DNAH11: variants seen among roughly 807,000 people sequenced by gnomAD.
The protein encoded by DNAH11 is axonemal beta dynein heavy chain 11.
Under a neutral mutation model 526.0 loss-of-function variants are expected in DNAH11, and 442 were observed. The ratio of observed to expected loss-of-function variants is 0.84; its 90% CI spans 0.78 to 0.91. The LOEUF (loss-of-function observed/expected upper bound fraction) is 0.91, where lower values mean the gene tolerates loss of function less well. DNAH11 is among the 40% of genes least tolerant of loss of function. The pLI, the probability that DNAH11 is intolerant of heterozygous loss-of-function variation, is 0.00. For missense variants in DNAH11, 6,989 were observed against 5,448.7 expected (o/e 1.28, Z -8.90); for synonymous variants, 2,461 against 1,935.9 (o/e 1.27, Z -7.12).
intron 70 of DNAH11, among the ~76,000 whole-genome samples, chr7:21,865,337 A>G (rs1367089420): frequency 6.6e-6 from 1 of 152,196 alleles, no homozygotes; most frequent in Non-Finnish European, 1.5e-5. Flanking sequence ...TTAAAGTAGT[A>G]TTTGTAATTA....
chr7:21,590,188 A>G (rs7805701), intron 12 of DNAH11, among the ~76,000 whole-genome samples: 26,811 of 152,038 alleles, frequency 0.18, 2,452 homozygotes, highest in African/African-American at 0.22. Flanking sequence ...TAATTATACA[A>G]TATGTGCATA....
At chr7:21,681,484 T>TG in intron 30 of DNAH11, 62 bp from the exon 31 acceptor site, 1 of 1,524,696 alleles carries the variant, frequency 6.6e-7, no homozygotes, top group Admixed American at 2.0e-5. Context: ...ACGAAGAATT[T>TG]GGGGCTCTTA....
Position 21,787,387 on chromosome 7 carries a change from T to C in DNAH11, c.9742-14T>C. On this transcript the variant is annotated splice_polypyrimidine_tract_variant and intron_variant, in intron 59 of 81. Coordinates refer to ENST00000409508, the MANE Select transcript of DNAH11 (RefSeq NM_001277115.2). Reference sequence around the variant, plus strand: ...CAAAATGGGTTCATTGCAATAAATCTTTTTGCTTTGCAGGTTGATGATTTT... The same window carrying C: ...CAAAATGGGTTCATTGCAATAAATCCTTTTGCTTTGCAGGTTGATGATTTT... The C allele has an allele frequency of 6.3e-7, 1 of 1,594,854 alleles. No individual in the cohort carries two copies. Among genetic ancestry groups the C allele is most frequent in the African/African-American group, 1.3e-5 (1 of 74,402 alleles).
At chr7:21,845,661 TTC>T (rs767551441) in intron 66 of DNAH11, among the ~76,000 whole-genome samples, 8 of 152,204 alleles carry the variant, frequency 5.3e-5, no homozygotes, top group Non-Finnish European at 1.2e-4. Context: ...GTAGTGTCAA[TTC>T]TCTGACTTTG....
chr7:21,589,101 G>A (rs908396129), intron 11 of DNAH11, 107 bp from the exon 12 acceptor site: 7 of 845,236 alleles, frequency 8.3e-6, no homozygotes, highest in African/African-American at 1.8e-5. Flanking sequence ...TTCTCTTCCT[G>A]GTTGTTTATA....
At chr7:21,711,650 T>A in intron 41 of DNAH11, 62 bp from the exon 42 acceptor site, 1 of 1,571,544 alleles carries the variant, frequency 6.4e-7, no homozygotes. Flanking sequence ...AAAGTACTTG[T>A]TGCTTCTGGA....
In DNAH11 at chr7:21,589,826, G is replaced by T. The variant is rs1021340719; in HGVS notation, c.2169+423G>T. 2.0e-5 allele frequency among the ~76,000 whole-genome samples: 3 copies of T among 152,072 alleles called. No individual in the cohort carries two copies. In the East Asian group the frequency reaches 5.8e-4, roughly 29 times the overall value. The stretch of plus-strand genomic sequence containing the variant: ...AGTGTTTTAGTTAAAATTTCATCAC[G>T]TAAGTTAAGATTTGGGGAATCAACA... On this transcript the variant is annotated intron_variant, in intron 12 of 81. Transcript: ENST00000409508.
At chr7:21,617,359 G>T (rs1158907696) in intron 22 of DNAH11, among the ~76,000 whole-genome samples, 2 of 152,170 alleles carry the variant, frequency 1.3e-5, no homozygotes, top group Non-Finnish European at 2.9e-5. Flanking sequence ...TTACTTACCT[G>T]TGTTTCCTCA....
rs1783427971 is a variant in DNAH11, at chr7:21,687,457, G to A, written c.5854G>A (p.Val1952Met). ...GCFDEFNRIS[V>M]EVLSVVAVQV... ...CTTTGATGAGTTCAACCGAATCTCT[G>A]TGGAAGTTCTGTCAGTGGTGGCAGT... Residue 1952 changes from valine to methionine, a missense_variant, in exon 34 of 82, where the codon GTG becomes ATG. Transcript: ENST00000409508. 6.2e-7 allele frequency: 1 copy of A among 1,613,970 alleles called. No individual in the cohort carries two copies.
At chr7:21,590,131 T>C (rs2128443271) in intron 12 of DNAH11, among the ~76,000 whole-genome samples, 1 of 152,342 alleles carries the variant, frequency 6.6e-6, no homozygotes, top group African/African-American at 2.4e-5. Flanking sequence ...TTACATGTTA[T>C]GTAACAATGG....
chr7:21,770,721 A>T (rs1443426311), intron 55 of DNAH11, among the ~76,000 whole-genome samples: 1 of 152,208 alleles, frequency 6.6e-6, no homozygotes, highest in East Asian at 1.9e-4. Flanking sequence ...AGGAAACAGA[A>T]TTTTTAAAGG....
chr7:21,579,485 T>G (rs1361951090), intron 8 of DNAH11, among the ~76,000 whole-genome samples: 1 of 152,178 alleles, frequency 6.6e-6, no homozygotes, highest in Non-Finnish European at 1.5e-5. Flanking sequence ...AGGGCCCCTT[T>G]CCAGAGGAGG....
chr7:21,591,693 AATGGTATT>A (rs1237688746), intron 14 of DNAH11, 116 bp downstream of exon 14: 31 of 1,119,054 alleles, frequency 2.8e-5, no homozygotes, highest in Non-Finnish European at 3.7e-5. Flanking sequence ...GAGCTTTATG[AATGGTATT>A]ATTAGGCATT....
intron 68 of DNAH11, among the ~76,000 whole-genome samples, chr7:21,855,643 CCCACGCT>C (rs1782815689): frequency 6.6e-6 from 1 of 152,140 alleles, no homozygotes; most frequent in Non-Finnish European, 1.5e-5. Flanking sequence ...GTTTCCAAAG[CCCACGCT>C]CCATACCTTG....
intron 61 of DNAH11, among the ~76,000 whole-genome samples, chr7:21,796,695 C>T (rs1289071426): frequency 2.0e-5 from 3 of 152,276 alleles, no homozygotes; most frequent in East Asian, 1.9e-4. Context: ...CCAAACATCA[C>T]GTGTTACATC....
At chr7:21,807,347 A>G (rs571187412) in intron 62 of DNAH11, among the ~76,000 whole-genome samples, 1 of 152,144 alleles carries the variant, frequency 6.6e-6, no homozygotes, top group South Asian at 2.1e-4. Flanking sequence ...AAAAATACAA[A>G]AATTTGCCAG....
chr7:21,587,414 T>C (rs902326022), intron 9 of DNAH11, among the ~76,000 whole-genome samples: 1 of 152,088 alleles, frequency 6.6e-6, no homozygotes, highest in African/African-American at 2.4e-5. Context: ...TGCTCACTGA[T>C]AATTTTAGCC....
chr7:21,791,655 T>G (rs1262651273), intron 61 of DNAH11, among the ~76,000 whole-genome samples: 6 of 152,094 alleles, frequency 3.9e-5, no homozygotes, highest in African/African-American at 1.4e-4. Context: ...TAGAAGGGAG[T>G]AGGTATTTCT....
intron 28 of DNAH11, among the ~76,000 whole-genome samples, chr7:21,645,275 G>T (rs1787303534): frequency 6.6e-6 from 1 of 152,168 alleles, no homozygotes. Context: ...AACTCAGTGG[G>T]TAGAGCTTCC....
Sources: gnomAD v4.1 joint callset for allele counts (sites outside exome capture counted in the v4.1 genomes callset) on GRCh38, gnomAD v4.1.1 for gene constraint, MANE v1.5 for transcripts, NCBI Gene and HGNC (gene_info 2026-07-23, HGNC 2026-07-21) for gene names.